Variants in IFT52 observed in about 807,000 individuals in gnomAD.
The protein encoded by IFT52 is intraflagellar transport 52, also known as intraflagellar transport protein 52 homolog.
In IFT52, 44 loss-of-function variants were observed where a neutral mutation model predicts 54.4. That is an observed-to-expected ratio of 0.81 (90% CI 0.63 to 1.04). IFT52 has a LOEUF of 1.04. IFT52 is among the 50% of genes least tolerant of loss of function. IFT52 has a pLI of 0.00. For missense variants in IFT52, 452 were observed against 523.6 expected (o/e 0.86, Z 1.33); for synonymous variants, 181 against 185.3 (o/e 0.98, Z 0.19).
Position 43,635,937 on chromosome 20 carries a change from A to C in IFT52, c.935A>C (p.Gln312Pro). Residue 312 changes from glutamine (Q) to proline (P), a missense_variant, in exon 11 of 14, where the codon CAG becomes CCG. Gln to Pro is a moderately conservative substitution (Grantham distance 76, BLOSUM62 -1). Transcript: ENST00000373030. The stretch of plus-strand genomic sequence containing the variant: ...GATTATGAACACAGGGCTCACGAGC[A>C]GCTAAATGTGAAACATGAACCACTC... ...SFHSVIEAHE[Q>P]LNVKHEPLQL... The C allele has an allele frequency of 1.2e-6, 2 of 1,614,194 alleles. No individual in the cohort carries two copies. The highest frequency in any genetic ancestry group is 2.7e-5 in the African/African-American group (2 of 75,062).
Position 43,643,208 on chromosome 20 carries a change from G to A in IFT52, c.1266+584G>A, listed in dbSNP as rs1328355397. 2.2e-5 allele frequency among the ~76,000 whole-genome samples: 3 copies of A among 139,340 alleles called. 1 individual carries two copies. Among genetic ancestry groups the A allele is most frequent in the African/African-American group, 8.0e-5 (3 of 37,480 alleles). 91.4% of individuals were successfully genotyped at this position (139,340 alleles called of 152,430 possible). ...AAAACAAAACAAAAAAAAAACAGCT[G>A]GGTGTGGTGGCTCACACCTGTAATC... On this transcript the variant is annotated intron_variant, in intron 13 of 13. Transcript: ENST00000373030.
intron 2 of IFT52, among the ~76,000 whole-genome samples, chr20:43,595,260 T>C (rs1050390699): frequency 5.1e-5 from 7 of 138,348 alleles, no homozygotes; most frequent in East Asian, 4.2e-4. Flanking sequence ...GAGGTTGCAG[T>C]GAGCCGAGAT....
chr20:43,640,500 C>G (rs1985843264), intron 12 of IFT52, among the ~76,000 whole-genome samples: 1 of 152,014 alleles, frequency 6.6e-6, no homozygotes, highest in Admixed American at 6.6e-5. Flanking sequence ...AGGGCATAAA[C>G]TTTGATTCGG....
intron 11 of IFT52, among the ~76,000 whole-genome samples, chr20:43,636,905 A>T (rs563934692): frequency 6.6e-6 from 1 of 152,082 alleles, no homozygotes. Context: ...CTAATGGGTG[A>T]GGGTAGACGA....
At chr20:43,636,704 C>A (rs1985561745) in intron 11 of IFT52, among the ~76,000 whole-genome samples, 2 of 152,200 alleles carry the variant, frequency 1.3e-5, no homozygotes, top group African/African-American at 4.8e-5. Flanking sequence ...TAACTTCCAT[C>A]CCTAAAAACT....
chr20:43,603,353 A>T (rs1316249091), intron 3 of IFT52, among the ~76,000 whole-genome samples: 2 of 152,156 alleles, frequency 1.3e-5, no homozygotes, highest in Non-Finnish European at 2.9e-5. Context: ...GTTCTTAACT[A>T]GGGGTGATTC....
chr20:43,636,162 C>A, intron 11 of IFT52, 149 bp downstream of exon 11: 1 of 685,640 alleles, frequency 1.5e-6, no homozygotes, highest in Non-Finnish European at 2.5e-6. Flanking sequence ...GCATGGACAC[C>A]AAATTTGTTA....
Position 43,637,193 on chromosome 20 carries a change from T to C in IFT52, c.1060T>C (p.Phe354Leu). 3.1e-6 allele frequency: 5 copies of C among 1,610,416 alleles called. No homozygotes were observed. The highest frequency in any genetic ancestry group is 1.3e-5 in the African/African-American group (1 of 74,660). ...GTTACCACCTCCTCCTCTGGAGCTATTTGATTTAGATGAAACGTTCTCCTC... is the reference window on the plus strand; with the variant it reads ...GTTACCACCTCCTCCTCTGGAGCTACTTGATTTAGATGAAACGTTCTCCTC... ...RELPPPPLEL[F>L]DLDETFSSEK... Residue 354 changes from phenylalanine (F) to leucine (L), a missense_variant, in exon 12 of 14, where the codon TTT (phenylalanine) becomes CTT (leucine). By Grantham distance (22) the Phe-to-Leu change is conservative. Transcript: ENST00000373030.
rs371921464 is a variant in IFT52 at position 43,627,402 on chromosome 20, C to G, written c.923+3357C>G. On this transcript the variant is annotated intron_variant, in intron 10 of 13. Coordinates refer to ENST00000373030, the MANE Select transcript of IFT52 (RefSeq NM_016004.5). Reference sequence around the variant, plus strand: ...ACATGGAGGTAACTGGTGATCTAGACAGGGTCTTCTTTATGACATGGTGAG... The same window carrying G: ...ACATGGAGGTAACTGGTGATCTAGAGAGGGTCTTCTTTATGACATGGTGAG... Among the ~76,000 whole-genome samples the G allele has an allele frequency of 1.6e-4, 24 of 152,270 alleles. No homozygotes were observed. The South Asian group carries it at 5.0e-3, about 32-fold the overall frequency.
chr20:43,602,096 C>A (rs1030877885), intron 3 of IFT52, among the ~76,000 whole-genome samples: 4 of 151,930 alleles, frequency 2.6e-5, no homozygotes, highest in African/African-American at 9.7e-5. Context: ...AGAAAAGAGG[C>A]ATTGGATTAT....
chr20:43,611,824 G>A (rs183351670), intron 6 of IFT52, among the ~76,000 whole-genome samples: 118 of 152,072 alleles, frequency 7.8e-4, no homozygotes, highest in African/African-American at 2.6e-3. Flanking sequence ...GAGGTCAGGA[G>A]TTTGAGACTA....
At chr20:43,600,314 T>C (rs1209801621) in intron 3 of IFT52, among the ~76,000 whole-genome samples, 1 of 151,890 alleles carries the variant, frequency 6.6e-6, no homozygotes, top group Non-Finnish European at 1.5e-5. Context: ...ATTTTTTTTT[T>C]TTTTTCCTGA....
intron 3 of IFT52, among the ~76,000 whole-genome samples, chr20:43,597,381 A>AAAAG (rs111398801): frequency 0.89 from 130,291 of 146,388 alleles, 58,264 homozygotes; most frequent in East Asian, 0.98. Flanking sequence ...CAAAAAAAAA[A>AAAAG]AAAGAAAGAA....
At chr20:43,619,288 C>T (rs998274099) in intron 8 of IFT52, among the ~76,000 whole-genome samples, 2 of 152,010 alleles carry the variant, frequency 1.3e-5, no homozygotes, top group African/African-American at 4.8e-5. Context: ...GGAGCTGAGC[C>T]TGGAGAAGCG....
At chr20:43,605,127 T>C (rs181529790) in intron 6 of IFT52, 54 bp downstream of exon 6, 6 of 1,592,062 alleles carry the variant, frequency 3.8e-6, no homozygotes, top group African/African-American at 1.4e-5. Context: ...TGGAGTCTTC[T>C]TTTTCAAAAT....
chr20:43,607,841 C>T (rs896260988), intron 6 of IFT52, among the ~76,000 whole-genome samples: 1 of 152,176 alleles, frequency 6.6e-6, no homozygotes, highest in African/African-American at 2.4e-5. Context: ...CGCCACTGCA[C>T]TCCAGCCTGG....
At chr20:43,635,171 A>C (rs189995553) in intron 10 of IFT52, among the ~76,000 whole-genome samples, 1 of 126,880 alleles carries the variant, frequency 7.9e-6, no homozygotes, top group East Asian at 2.4e-4. Context: ...CTGTCTCCAA[A>C]AAAAAGAGAG....
chr20:43,606,557 C>G (rs1982899488), intron 6 of IFT52, among the ~76,000 whole-genome samples: 1 of 151,140 alleles, frequency 6.6e-6, no homozygotes, highest in African/African-American at 2.4e-5. Flanking sequence ...AAGTGAACAT[C>G]TTTGTATGTA....
At chr20:43,641,579 C>T (rs962240346) in intron 12 of IFT52, among the ~76,000 whole-genome samples, 5 of 151,152 alleles carry the variant, frequency 3.3e-5, no homozygotes, top group African/African-American at 7.3e-5. Context: ...CTGCAACCTC[C>T]GCCTCCCAGG....
Sources: allele counts gnomAD v4.1 joint callset (sites outside exome capture counted in the v4.1 genomes callset), GRCh38; gene constraint gnomAD v4.1.1; transcripts MANE v1.5; gene names NCBI Gene and HGNC (gene_info 2026-07-23, HGNC 2026-07-21).